IL17REL: variants seen among roughly 807,000 people sequenced by gnomAD.
The protein encoded by IL17REL is interleukin-17 receptor E-like protein.
A neutral mutation model predicts 49.0 loss-of-function variants in IL17REL; 36 were observed. The observed-to-expected ratio is 0.73, with a 90% CI of 0.56 to 0.97. IL17REL has a LOEUF of 0.97. Among genes scored for constraint, IL17REL ranks in the 50% least tolerant of loss-of-function variants. The probability of loss-of-function intolerance (pLI) is 0.00; values close to 1 mark genes in which losing one functional copy is unlikely to be tolerated. For missense variants in IL17REL, 470 were observed against 453.9 expected (o/e 1.04, Z -0.32); for synonymous variants, 206 against 192.4 (o/e 1.07, Z -0.58).
exon 13 of IL17REL, chr22:49,994,945 G>T (rs928863918): frequency 6.6e-6 from 1 of 152,392 alleles, no homozygotes; most frequent in Non-Finnish European, 1.5e-5. Context: ...GTGGCCCCCA[G>T]GCAGGTGGCC....
At chr22:50,000,914 G>A in intron 2 of IL17REL, 51 bp from the exon 4 acceptor site, 1 of 1,399,976 alleles carries the variant, frequency 7.1e-7, no homozygotes, top group Non-Finnish European at 9.6e-7. Flanking sequence ...GCCGCCCCTG[G>A]CTCCGGACGG....
intron 3 of IL17REL, 79 bp downstream of exon 4, chr22:50,000,675 T>C: frequency 4.5e-6 from 7 of 1,548,554 alleles, no homozygotes; most frequent in Non-Finnish European, 5.3e-6. Context: ...TGGCTGGAGC[T>C]TAGAGCCAGG....
At chr22:49,996,849 G>T (rs1183403053) in exon 13 of IL17REL, 4 of 571,834 alleles carry the variant, frequency 7.0e-6, no homozygotes, top group South Asian at 6.9e-5. Context: ...AGTGTACATC[G>T]GTCCTCCAGC....
chr22:49,999,505 G>T lies in IL17REL; in HGVS notation c.475-3C>A. ...TGGGAGACGCTGTTGGCGGTCACCT[G>T]CAACCCAGAAAGGGCGGCTGAGGGG... On this transcript the variant is annotated splice_region_variant and splice_polypyrimidine_tract_variant and intron_variant, in intron 5 of 12. Coordinates refer to ENST00000341280, the Ensembl canonical transcript of IL17REL. The T allele has an allele frequency of 6.7e-7, 1 of 1,503,152 alleles. No homozygotes were observed. The allele number at this position is 1,503,152 out of a possible 1,614,324, so 93.1% of individuals were successfully genotyped here. A position where few individuals can be genotyped will look rare whatever the true frequency, so the allele number is the denominator to read the frequency against.
chr22:50,003,600 C>G (rs537261881), intron 1 of IL17REL, among the ~76,000 whole-genome samples: 3 of 150,592 alleles, frequency 2.0e-5, no homozygotes, highest in African/African-American at 2.4e-5. Flanking sequence ...CTGCACCCAA[C>G]TGACAAAATT....
chr22:49,999,234 T>G, intron 7 of IL17REL, 57 bp downstream of exon 9: 1 of 1,593,996 alleles, frequency 6.3e-7, no homozygotes, highest in Non-Finnish European at 8.6e-7. Flanking sequence ...CATGGTGGAG[T>G]CAGACTGGCC....
At chr22:49,999,738 G>GC (rs772097622) in intron 5 of IL17REL, 90 bp downstream of exon 7, 1 of 679,798 alleles carries the variant, frequency 1.5e-6, no homozygotes, top group Non-Finnish European at 1.9e-6. Flanking sequence ...GCGGGGCGCG[G>GC]GGTGGGCGGG....
chr22:50,010,644 T>C (rs1229687984), upstream of IL17REL, among the ~76,000 whole-genome samples: 1 of 152,174 alleles, frequency 6.6e-6, no homozygotes, highest in East Asian at 1.9e-4. Context: ...CTCTCTCTCC[T>C]GACTTCCTGG....
At chr22:49,997,067 A>C (rs760988514) in exon 12 of IL17REL, 15 of 1,568,044 alleles carry the variant, frequency 9.6e-6, no homozygotes, top group Admixed American at 4.2e-5. Flanking sequence ...GGCGGCTGCC[A>C]GGTCACCCTG....
upstream of IL17REL, among the ~76,000 whole-genome samples, chr22:50,010,985 C>T (rs1293249999): frequency 4.1e-5 from 6 of 147,168 alleles, no homozygotes; most frequent in African/African-American, 1.5e-4. Flanking sequence ...GCCCAGCCTC[C>T]CGCCGTCACC....
At chr22:50,000,800 C>T in exon 3 of IL17REL, 4 of 1,604,326 alleles carry the variant, frequency 2.5e-6, no homozygotes, top group Non-Finnish European at 3.4e-6. Flanking sequence ...CACCCACACG[C>T]TCTGACACTG....
rs116111215 is a variant in IL17REL at position 50,006,259 on chromosome 22, C to A, written c.-42+2378G>T. ...GGAGAGAAAGCTCCCCCAAAGCCCA[C>A]AACCCAGTACAGATTCACAGCCCAG... On this transcript the variant is annotated intron_variant, in intron 1 of 12. Transcript: ENST00000341280. Among the ~76,000 whole-genome samples the A allele has an allele frequency of 8.8e-3, 1,347 of 152,220 alleles. 20 individuals carry two copies. Among genetic ancestry groups the A allele is most frequent in the African/African-American group, 0.031 (1,286 of 41,548 alleles).
At chr22:50,007,238 C>T (rs114606021) in intron 1 of IL17REL, among the ~76,000 whole-genome samples, 251 of 152,184 alleles carry the variant, frequency 1.6e-3, no homozygotes, top group African/African-American at 5.9e-3. Flanking sequence ...GAGCCAATTC[C>T]ACAAGATCCG....
chr22:49,997,486 G>T lies in IL17REL; in HGVS notation c.878-70C>A. 6.7e-7 allele frequency: 1 copy of T among 1,501,914 alleles called. No homozygotes were observed. The allele number at this position is 1,501,914 out of a possible 1,614,324, so 93.0% of individuals were successfully genotyped here. On this transcript the variant is annotated intron_variant, in intron 10 of 12. Coordinates refer to ENST00000341280, the Ensembl canonical transcript of IL17REL. ...AGGCTGGATGGTCATTTTCCAGGCT[G>T]TGGGGAGTGAAGGGTGAGACCCCCA... is the stretch of plus-strand genomic sequence containing the variant.
At chr22:49,994,347 C>T (rs73893109), downstream of IL17REL, among the ~76,000 whole-genome samples, 3,978 of 151,686 alleles carry the variant, frequency 0.026, 144 homozygotes, top group African/African-American at 0.091. Flanking sequence ...AGAGACCCGG[C>T]ACCTCCCCTG....
At position 49,997,605 on chromosome 22, in the gene IL17REL, C is replaced by T. The variant is rs1053217465; in HGVS notation, c.877+80G>A. On this transcript the variant is annotated intron_variant, in intron 10 of 12. Coordinates refer to ENST00000341280, the Ensembl canonical transcript of IL17REL. Reference sequence around the variant, plus strand: ...CCACACTGGCTTGGCACCGTTATTCCACCTCCCTGACCAGCACAGAGTGAT... The same window carrying T: ...CCACACTGGCTTGGCACCGTTATTCTACCTCCCTGACCAGCACAGAGTGAT... 4 of 1,500,052 alleles carry T rather than the reference C, an allele frequency of 2.7e-6. No homozygotes were observed. The African/African-American group carries it at 5.5e-5, about 21-fold the overall frequency. 92.9% of individuals were successfully genotyped at this position (1,500,052 alleles called of 1,614,324 possible).
chr22:49,996,809 G>A (rs2061037473), exon 13 of IL17REL: 8 of 519,844 alleles, frequency 1.5e-5, no homozygotes, highest in Admixed American at 7.6e-5. Flanking sequence ...CCACTGGAGC[G>A]GAGGTTGCAG....
At chr22:50,004,846 C>A in intron 1 of IL17REL, among the ~76,000 whole-genome samples, 3 of 105,772 alleles carry the variant, frequency 2.8e-5, no homozygotes, top group Non-Finnish European at 3.8e-5. Flanking sequence ...AGCAAGACTC[C>A]ATCTCAAAAA....
chr22:49,999,550 T>A, intron 5 of IL17REL, 48 bp from the exon 8 acceptor site: 1 of 939,000 alleles, frequency 1.1e-6, no homozygotes, highest in Non-Finnish European at 1.5e-6. Flanking sequence ...AGGGCGGGGG[T>A]GGTCTGGGGT....
Sources: allele counts gnomAD v4.1 joint callset (sites outside exome capture counted in the v4.1 genomes callset), GRCh38; gene constraint gnomAD v4.1.1; transcripts MANE v1.5; gene names NCBI Gene and HGNC (gene_info 2026-07-23, HGNC 2026-07-21).